GPC5: variants seen among roughly 807,000 people sequenced by gnomAD.
GPC5 encodes glypican-5.
Under a neutral mutation model 53.9 loss-of-function variants are expected in GPC5, and 47 were observed. The ratio of observed to expected loss-of-function variants is 0.87; its 90% CI spans 0.69 to 1.11. GPC5 has a LOEUF of 1.11. Among genes scored for constraint, GPC5 ranks in the 50% most tolerant of loss-of-function variants. The pLI is 0.00. For synonymous variants in GPC5, 286 were observed against 263.3 expected (o/e 1.09, Z -0.84); for missense variants, 748 against 713.1 (o/e 1.05, Z -0.56).
At chr13:91,594,671 G>A (rs954071738) in intron 2 of GPC5, among the ~76,000 whole-genome samples, 7 of 151,582 alleles carry the variant, frequency 4.6e-5, no homozygotes, top group Admixed American at 6.6e-5. Flanking sequence ...TTTATTGATA[G>A]CCTTTAATTT....
chr13:92,126,939 T>G (rs558919758), intron 6 of GPC5, among the ~76,000 whole-genome samples: 5 of 152,134 alleles, frequency 3.3e-5, no homozygotes, highest in Non-Finnish European at 7.4e-5. Flanking sequence ...GAATTGACAG[T>G]TTCCTCCATC....
chr13:91,419,045 T>C (rs1396165212), intron 1 of GPC5, among the ~76,000 whole-genome samples: 1 of 152,110 alleles, frequency 6.6e-6, no homozygotes, highest in Non-Finnish European at 1.5e-5. Flanking sequence ...GGTATTCATA[T>C]GATGTATACT....
intron 7 of GPC5, among the ~76,000 whole-genome samples, chr13:92,221,510 A>T (rs1393763097): frequency 6.6e-6 from 1 of 152,016 alleles, no homozygotes; most frequent in Non-Finnish European, 1.5e-5. Context: ...ACAGGATCCT[A>T]TGTTTTCCCA....
intron 7 of GPC5, among the ~76,000 whole-genome samples, chr13:92,221,658 T>C (rs1301208922): frequency 1.3e-5 from 2 of 152,162 alleles, no homozygotes; most frequent in African/African-American, 4.8e-5. Flanking sequence ...TACCCCAGAA[T>C]CAAACCTTTT....
At chr13:92,585,997 C>G (rs1351457449) in intron 7 of GPC5, among the ~76,000 whole-genome samples, 2 of 152,224 alleles carry the variant, frequency 1.3e-5, no homozygotes, top group African/African-American at 4.8e-5. Flanking sequence ...TCTTCATGAG[C>G]AGCATGAAAA....
At chr13:91,514,032 T>C (rs1234029275) in intron 2 of GPC5, among the ~76,000 whole-genome samples, 2 of 152,240 alleles carry the variant, frequency 1.3e-5, no homozygotes, top group Non-Finnish European at 2.9e-5. Flanking sequence ...TCACTTTTCG[T>C]TTAACCATTC....
At chr13:92,332,296 T>G (rs1477738536) in intron 7 of GPC5, among the ~76,000 whole-genome samples, 2 of 152,194 alleles carry the variant, frequency 1.3e-5, no homozygotes, top group Non-Finnish European at 2.9e-5. Context: ...ATAAACAAAC[T>G]GAGGATATCG....
At chr13:91,679,209 T>C (rs995764103) in intron 2 of GPC5, among the ~76,000 whole-genome samples, 1 of 152,102 alleles carries the variant, frequency 6.6e-6, no homozygotes, top group Non-Finnish European at 1.5e-5. Context: ...CTTTAAGTTC[T>C]GAGGTACATG....
At chr13:92,659,396 T>G (rs1298694840) in intron 7 of GPC5, among the ~76,000 whole-genome samples, 2 of 85,726 alleles carry the variant, frequency 2.3e-5, no homozygotes, top group Admixed American at 2.0e-4. Context: ...TTCATTTGGT[T>G]GACTTTTTTT....
At chr13:92,458,309 G>T (rs1878351136) in intron 7 of GPC5, among the ~76,000 whole-genome samples, 1 of 131,274 alleles carries the variant, frequency 7.6e-6, no homozygotes, top group African/African-American at 3.0e-5. Flanking sequence ...TTTTTGGGGG[G>T]GGCAGGGTGG....
chr13:91,803,257 G>A (rs773378575), intron 5 of GPC5, among the ~76,000 whole-genome samples: 1 of 152,044 alleles, frequency 6.6e-6, no homozygotes, highest in Non-Finnish European at 1.5e-5. Context: ...AATGAAAATA[G>A]TTTAAAAAGT....
intron 7 of GPC5, among the ~76,000 whole-genome samples, chr13:92,532,823 T>C (rs1881607628): frequency 6.6e-6 from 1 of 152,134 alleles, no homozygotes; most frequent in Non-Finnish European, 1.5e-5. Flanking sequence ...CACTAATTTA[T>C]TTGTAAAAAA....
chr13:91,414,625 T>C (rs1399620493), intron 1 of GPC5, among the ~76,000 whole-genome samples: 1 of 152,162 alleles, frequency 6.6e-6, no homozygotes, highest in Admixed American at 6.5e-5. Flanking sequence ...GCTAAAGCAA[T>C]GACAGTTGGG....
chr13:92,263,442 A>G (rs2042780042), intron 7 of GPC5, among the ~76,000 whole-genome samples: 1 of 152,140 alleles, frequency 6.6e-6, no homozygotes, highest in African/African-American at 2.4e-5. Context: ...TCTCCAATAC[A>G]GTATTTATTT....
intron 2 of GPC5, among the ~76,000 whole-genome samples, chr13:91,684,926 A>G (rs1174513361): frequency 3.9e-5 from 6 of 152,114 alleles, no homozygotes; most frequent in Non-Finnish European, 8.8e-5. Flanking sequence ...GTTTTTGCAT[A>G]GTCAGCAACC....
intron 2 of GPC5, among the ~76,000 whole-genome samples, chr13:91,667,494 G>C (rs1349522722): frequency 6.6e-6 from 1 of 152,158 alleles, no homozygotes; most frequent in Non-Finnish European, 1.5e-5. Context: ...AAAGTTACTG[G>C]TGAGTTCGAG....
At chr13:91,748,908 G>A (rs2037109127) in intron 4 of GPC5, among the ~76,000 whole-genome samples, 1 of 152,130 alleles carries the variant, frequency 6.6e-6, no homozygotes, top group Non-Finnish European at 1.5e-5. Context: ...TTTATGCAAT[G>A]CGTGTATAGG....
At chr13:91,844,589 G>A (rs1352602074) in intron 5 of GPC5, among the ~76,000 whole-genome samples, 2 of 152,210 alleles carry the variant, frequency 1.3e-5, no homozygotes, top group Non-Finnish European at 2.9e-5. Context: ...ACCTCAGGGA[G>A]GCAGTTCTCT....
chr13:91,970,371 T>C (rs934190900), intron 6 of GPC5, among the ~76,000 whole-genome samples: 2 of 151,940 alleles, frequency 1.3e-5, no homozygotes, highest in African/African-American at 2.4e-5. Flanking sequence ...TAATGTACAA[T>C]GTCATGATTA....
Sources: gnomAD v4.1 joint callset for allele counts (sites outside exome capture counted in the v4.1 genomes callset) on GRCh38, gnomAD v4.1.1 for gene constraint, MANE v1.5 for transcripts, NCBI Gene and HGNC (gene_info 2026-07-23, HGNC 2026-07-21) for gene names.